SAMD12: variants seen among roughly 807,000 people sequenced by gnomAD.
SAMD12 encodes sterile alpha motif domain-containing protein 12.
A neutral mutation model predicts 15.0 loss-of-function variants in SAMD12; 9 were observed. The ratio of observed to expected loss-of-function variants is 0.60; its 90% CI spans 0.36 to 1.05. SAMD12 has a LOEUF of 1.05. Ranked by LOEUF, SAMD12 falls within the 50% of genes least tolerant of loss-of-function variation. The probability of loss-of-function intolerance (pLI) is 0.01; values close to 1 mark genes in which losing one functional copy is unlikely to be tolerated. For missense variants in SAMD12, 230 were observed against 234.2 expected (o/e 0.98, Z 0.12); for synonymous variants, 86 against 90.1 (o/e 0.96, Z 0.25).
chr8:118,400,266 T>A (rs181853743), intron 3 of SAMD12: 2 of 152,210 alleles, frequency 1.3e-5, no homozygotes, highest in South Asian at 4.1e-4. Flanking sequence ...TACTTTCTTC[T>A]CACTTTTCAG....
intron 2 of SAMD12, among the ~76,000 whole-genome samples, chr8:118,497,739 G>GA (rs1824665583): frequency 5.2e-5 from 3 of 58,244 alleles, no homozygotes; most frequent in African/African-American, 7.7e-5. Flanking sequence ...GGGGTGGGGG[G>GA]AAAGAAAAAA....
At position 118,378,806 on chromosome 8, in the gene SAMD12, C is replaced by T. The variant is rs764770050; in HGVS notation, c.*611G>A. 1.0e-6 allele frequency: 1 copy of T among 985,400 alleles called. No homozygotes were observed. Among genetic ancestry groups the T allele is most frequent in the South Asian group, 4.7e-5 (1 of 21,294 alleles). 61.0% of individuals were successfully genotyped at this position (985,400 alleles called of 1,614,324 possible). On this transcript the variant is annotated 3_prime_UTR_variant, in exon 4 of 4. Transcript: ENST00000314727. ...GACATATCAGTTACATATAGTGTAA[C>T]TTAAGGCTTTCTTCGAATTCTAGCT... is the stretch of plus-strand genomic sequence containing the variant.
intron 4 of SAMD12, among the ~76,000 whole-genome samples, chr8:118,341,182 G>C (rs1023846995): frequency 6.6e-6 from 1 of 152,076 alleles, no homozygotes; most frequent in Non-Finnish European, 1.5e-5. Flanking sequence ...CATGTGGCTT[G>C]GTCTTCTCAC....
At chr8:118,177,108 T>G in the SAMD12 span, among the ~76,000 whole-genome samples, 1 of 152,292 alleles carries the variant, frequency 6.6e-6, no homozygotes, top group South Asian at 2.1e-4. Context: ...AAATTGGGCA[T>G]GAACAAAAGG....
intron 1 of SAMD12, among the ~76,000 whole-genome samples, chr8:118,612,982 T>C (rs1828143803): frequency 6.6e-6 from 1 of 152,320 alleles, no homozygotes; most frequent in East Asian, 1.9e-4. Context: ...ATACCATTTA[T>C]ATGAAATCTA....
intron 4 of SAMD12, among the ~76,000 whole-genome samples, chr8:118,301,554 G>A (rs1194650331): frequency 1.3e-5 from 2 of 152,188 alleles, no homozygotes; most frequent in Admixed American, 6.5e-5. Context: ...TTCATTAAGC[G>A]TTGTCTCTTA....
chr8:118,380,948 C>A (rs1005185921), intron 3 of SAMD12, among the ~76,000 whole-genome samples: 5 of 152,182 alleles, frequency 3.3e-5, no homozygotes, highest in Admixed American at 2.6e-4. Flanking sequence ...TGCAAGTCTA[C>A]CCATCTTGAA....
At chr8:118,154,873 T>C in the SAMD12 span, among the ~76,000 whole-genome samples, 2 of 152,064 alleles carry the variant, frequency 1.3e-5, no homozygotes, top group South Asian at 2.1e-4. Context: ...ATGCCAGCCT[T>C]GGTATAAAAA....
chr8:118,171,315 A>T, the SAMD12 span, among the ~76,000 whole-genome samples: 1 of 152,132 alleles, frequency 6.6e-6, no homozygotes, highest in Non-Finnish European at 1.5e-5. Context: ...CAGTGATTAT[A>T]CTCCTTAGTA....
chr8:118,484,143 A>T (rs896342368), intron 2 of SAMD12, among the ~76,000 whole-genome samples: 2 of 152,236 alleles, frequency 1.3e-5, no homozygotes, highest in Non-Finnish European at 2.9e-5. Context: ...GGGAGCAGAG[A>T]CATCAATGAA....
intron 3 of SAMD12, among the ~76,000 whole-genome samples, chr8:118,425,801 C>T (rs753329111): frequency 1.2e-4 from 18 of 152,144 alleles, no homozygotes; most frequent in African/African-American, 4.3e-4. Context: ...TTCTGCTCCT[C>T]GAATTTGGTT....
chr8:118,490,176 T>A (rs1025425902), intron 2 of SAMD12, among the ~76,000 whole-genome samples: 13 of 152,208 alleles, frequency 8.5e-5, no homozygotes, highest in Non-Finnish European at 1.9e-4. Context: ...TGTTTAGATA[T>A]GAGAGTCACG....
intron 4 of SAMD12, among the ~76,000 whole-genome samples, chr8:118,334,317 C>A (rs910455440): frequency 1.3e-5 from 2 of 152,068 alleles, no homozygotes; most frequent in African/African-American, 4.8e-5. Context: ...TACACAGTAT[C>A]TCTTTGGTGC....
chr8:118,429,994 AC>A (rs770144021), intron 3 of SAMD12, among the ~76,000 whole-genome samples: 4 of 152,194 alleles, frequency 2.6e-5, no homozygotes, highest in Non-Finnish European at 5.9e-5. Context: ...GGATGATGTT[AC>A]CTGTACGTTC....
At chr8:118,607,493 C>T (rs2131309564) in intron 1 of SAMD12, among the ~76,000 whole-genome samples, 1 of 152,308 alleles carries the variant, frequency 6.6e-6, no homozygotes, top group East Asian at 1.9e-4. Context: ...ACCTCAGCCT[C>T]CCAAAGTGCT....
intron 4 of SAMD12, among the ~76,000 whole-genome samples, chr8:118,264,797 AG>A (rs1813160726): frequency 6.6e-6 from 1 of 152,140 alleles, no homozygotes; most frequent in African/African-American, 2.4e-5. Context: ...TAGCAAGTGG[AG>A]AACCTAAACT....
chr8:118,426,875 T>C (rs1014476139), intron 3 of SAMD12, among the ~76,000 whole-genome samples: 6 of 152,210 alleles, frequency 3.9e-5, no homozygotes, highest in Admixed American at 6.5e-5. Flanking sequence ...AATTAAAAAA[T>C]ATTAATGAGC....
the SAMD12 span, among the ~76,000 whole-genome samples, chr8:118,165,620 A>ATATATATATACATATATATG: frequency 5.3e-5 from 7 of 132,336 alleles, no homozygotes; most frequent in African/African-American, 2.2e-4. Flanking sequence ...ATATGTATAT[A>ATATATATATACATATATATG]TATATATATA....
At chr8:118,424,120 C>T (rs1822141146) in intron 3 of SAMD12, among the ~76,000 whole-genome samples, 1 of 152,112 alleles carries the variant, frequency 6.6e-6, no homozygotes, top group African/African-American at 2.4e-5. Flanking sequence ...GAAATTATCA[C>T]TAATTGCTAG....
Sources: allele counts gnomAD v4.1 joint callset (sites outside exome capture counted in the v4.1 genomes callset), GRCh38; gene constraint gnomAD v4.1.1; transcripts MANE v1.5; gene names NCBI Gene and HGNC (gene_info 2026-07-23, HGNC 2026-07-21).